KCNQ1: variants seen among roughly 807,000 people sequenced by gnomAD.
KCNQ1 encodes potassium voltage-gated channel subfamily KQT member 1.
In KCNQ1, 49 loss-of-function variants were observed where a neutral mutation model predicts 72.4. That is an observed-to-expected ratio of 0.68 (90% CI 0.54 to 0.86). KCNQ1 has a LOEUF of 0.86. Ranked by LOEUF, KCNQ1 falls within the 40% of genes least tolerant of loss-of-function variation. The pLI, the probability that KCNQ1 is intolerant of heterozygous loss-of-function variation, is 0.00. For missense variants in KCNQ1, 790 were observed against 945.1 expected, an observed-to-expected ratio of 0.84 and a Z score of 2.15; for synonymous variants, 450 against 412.6, an observed-to-expected ratio of 1.09 and a Z score of -1.10.
At position 2,471,965 on chromosome 11, in the gene KCNQ1, T is replaced by G. The variant is rs1442874156; in HGVS notation, c.386+26481T>G. 6.6e-6 allele frequency among the ~76,000 whole-genome samples: 1 copy of G among 151,836 alleles called. No homozygotes were observed. Among genetic ancestry groups the G allele is most frequent in the African/African-American group, 2.4e-5 (1 of 41,318 alleles). The stretch of plus-strand genomic sequence containing the variant: ...GCGTGTGTAGGTGTGTGTTCATATA[T>G]ATGGGTGTGTGTGCACCTATGTGTA... On this transcript the variant is annotated intron_variant, in intron 1 of 15. Coordinates refer to ENST00000155840, the MANE Select transcript of KCNQ1 (RefSeq NM_000218.3). The surrounding 1 kb of genome is among the most constrained non-coding windows in gnomAD (Gnocchi z 4.8).
rs1389952051 is a variant in KCNQ1 at position 2,803,021 on chromosome 11, C to A, written c.1794+24984C>A. ...CACCCAGAGGAGCTGGCCCTGGCCA[C>A]TCTCTCAGAGCAGGAGGTGACATGA... is the stretch of plus-strand genomic sequence containing the variant. On this transcript the variant is annotated intron_variant, in intron 15 of 15. Transcript: ENST00000155840. This position sits in a 1 kb window ranked among gnomAD's most constrained non-coding sequence, Gnocchi z 6.4. 6.6e-6 allele frequency among the ~76,000 whole-genome samples: 1 copy of A among 152,244 alleles called. No homozygotes were observed. The highest frequency in any genetic ancestry group is 2.4e-5 in the African/African-American group (1 of 41,466).
intron 1 of KCNQ1, among the ~76,000 whole-genome samples, chr11:2,470,135 A>AT (rs1397249774): frequency 3.3e-5 from 5 of 152,176 alleles, no homozygotes; most frequent in African/African-American, 1.2e-4. Context: ...TGATTGTTAA[A>AT]TTTTTTGTAG....
rs1313552132 is a variant in KCNQ1, at chr11:2,620,217, T to A, written c.1393+31363T>A. 8.7e-4 allele frequency: 226 copies of A among 261,178 alleles called. 1 individual carries two copies. Among genetic ancestry groups the A allele is most frequent in the South Asian group, 1.8e-3 (10 of 5,426 alleles). The allele number at this position is 261,178 out of a possible 1,614,324, so 16.2% of individuals were successfully genotyped here. A position where few individuals can be genotyped will look rare whatever the true frequency, so the allele number is the denominator to read the frequency against. On this transcript the variant is annotated intron_variant, in intron 10 of 15. Coordinates refer to ENST00000155840, the MANE Select transcript of KCNQ1 (RefSeq NM_000218.3). This position sits in a 1 kb window ranked among gnomAD's most constrained non-coding sequence, Gnocchi z 4.5. ...CATTCATGTATATATATATATTTTTTTTTTTTATTTTTTTTTTAGACGGAG... is the reference window on the plus strand; with the variant it reads ...CATTCATGTATATATATATATTTTTATTTTTTATTTTTTTTTTAGACGGAG...
At position 2,585,286 on chromosome 11, in the gene KCNQ1, G is replaced by A. The variant is rs746037904; in HGVS notation, c.1107G>A (p.Pro369=). The A allele has an allele frequency of 1.7e-5, 28 of 1,613,860 alleles. No individual in the cohort carries two copies. Among genetic ancestry groups the A allele is most frequent in the Middle Eastern group, 1.6e-4 (1 of 6,084 alleles). ...QRQKHFNRQI[P]AAASLIQTAW... is the part of the protein sequence containing the mutation. The stretch of plus-strand genomic sequence containing the variant: ...AGAAGCACTTCAACCGGCAGATCCC[G>A]GCGGCAGCCTCACTCATTCAGGTGC... Residue 369 remains proline, a synonymous_variant, in exon 8 of 16, where the codon CCG becomes CCA. Coordinates refer to ENST00000155840, the MANE Select transcript of KCNQ1 (RefSeq NM_000218.3).
At position 2,827,141 on chromosome 11, in the gene KCNQ1, C is replaced by T. The variant is rs1484806931; in HGVS notation, c.1795-20626C>T. Among the ~76,000 whole-genome samples the T allele has an allele frequency of 1.3e-5, 2 of 152,100 alleles. No homozygotes were observed. The highest frequency in any genetic ancestry group is 2.4e-5 in the African/African-American group (1 of 41,402). On this transcript the variant is annotated intron_variant, in intron 15 of 15. Transcript: ENST00000155840. This position sits in a 1 kb window ranked among gnomAD's most constrained non-coding sequence, Gnocchi z 6.7. ...AGGCACAGTCACCTCGTGTTGCTGT[C>T]CCCCAGGTAGGAGATAAGGGACCAG... is the stretch of plus-strand genomic sequence containing the variant.
rs972098908 is a variant in KCNQ1, at chr11:2,508,468, T to C, written c.387-19460T>C. The stretch of plus-strand genomic sequence containing the variant: ...TGGCTGCTCTGCATGGGGAGGAGTG[T>C]GGGTCCTGAGTGGAGTGTCCCATCT... On this transcript the variant is annotated intron_variant, in intron 1 of 15. Transcript: ENST00000155840. The surrounding 1 kb of genome is among the most constrained non-coding windows in gnomAD (Gnocchi z 6.2). Among the ~76,000 whole-genome samples the C allele has an allele frequency of 2.0e-5, 3 of 152,002 alleles. No individual in the cohort carries two copies. The highest frequency in any genetic ancestry group is 7.2e-5 in the African/African-American group (3 of 41,400).
Position 2,695,126 on chromosome 11 carries a change from A to G in KCNQ1, c.1514+33045A>G. 5.0e-6 allele frequency: 2 copies of G among 398,696 alleles called. No homozygotes were observed. The highest frequency in any genetic ancestry group is 2.5e-4 in the South Asian group (2 of 7,864). 24.7% of individuals were successfully genotyped at this position (398,696 alleles called of 1,614,324 possible). A position where few individuals can be genotyped will look rare whatever the true frequency, so the allele number is the denominator to read the frequency against. On this transcript the variant is annotated intron_variant, in intron 11 of 15. Transcript: ENST00000155840. The surrounding 1 kb of genome is among the most constrained non-coding windows in gnomAD (Gnocchi z 5.2). ...TATCTGGCAGGAGAGTCATGGAGGC[A>G]CATTCATTCGTTGGTTCTTGGCTTT...
chr11:2,682,453 C>T lies in KCNQ1; in HGVS notation c.1514+20372C>T, dbSNP rs112823727. The T allele has an allele frequency of 7.3e-5, 29 of 396,208 alleles. No homozygotes were observed. The highest frequency in any genetic ancestry group is 3.2e-4 in the African/African-American group (15 of 47,366). 24.5% of individuals were successfully genotyped at this position (396,208 alleles called of 1,614,324 possible). ...TGCTTAATCCATATGGAGCCTGTCA[C>T]GGACCCTCAGTGAATGTTTGACGAG... On this transcript the variant is annotated intron_variant, in intron 11 of 15. Transcript: ENST00000155840. This position sits in a 1 kb window ranked among gnomAD's most constrained non-coding sequence, Gnocchi z 5.8.
Position 2,824,148 on chromosome 11 carries a change from G to A in KCNQ1, c.1795-23619G>A, listed in dbSNP as rs143594061. ...ACACACATTCACACAAACACACCCA[G>A]ACACATGCATGCACATGGATAACTA... is the stretch of plus-strand genomic sequence containing the variant. On this transcript the variant is annotated intron_variant, in intron 15 of 15. Transcript: ENST00000155840. This position sits in a 1 kb window ranked among gnomAD's most constrained non-coding sequence, Gnocchi z 5.9. 2.3e-3 allele frequency among the ~76,000 whole-genome samples: 345 copies of A among 152,200 alleles called. No homozygotes were observed. The highest frequency in any genetic ancestry group is 3.6e-3 in the Non-Finnish European group (248 of 68,012).
In KCNQ1 at chr11:2,663,549, C is replaced by G. The variant is rs1850008047; in HGVS notation, c.1514+1468C>G. 2 of 398,526 alleles carry G rather than the reference C, an allele frequency of 5.0e-6. No homozygotes were observed. The highest frequency in any genetic ancestry group is 4.4e-5 in the Admixed American group (1 of 22,720). The allele number at this position is 398,526 out of a possible 1,614,324, so 24.7% of individuals were successfully genotyped here. On this transcript the variant is annotated intron_variant, in intron 11 of 15. Coordinates refer to ENST00000155840, the MANE Select transcript of KCNQ1 (RefSeq NM_000218.3). This position sits in a 1 kb window ranked among gnomAD's most constrained non-coding sequence, Gnocchi z 5.2. Reference sequence around the variant, plus strand: ...CCCCTCAGAGAGGGGACTGTCCCTTCTCATCCTTCTGGCTGCTTGCTTCTC... The same window carrying G: ...CCCCTCAGAGAGGGGACTGTCCCTTGTCATCCTTCTGGCTGCTTGCTTCTC...
chr11:2,631,151 A>T, intron 10 of KCNQ1: 1 of 398,564 alleles, frequency 2.5e-6, no homozygotes, highest in Non-Finnish European at 4.4e-6. Flanking sequence ...GGAAGTTTTC[A>T]GCCATTATTT....
chr11:2,598,932 TGTGTCTC>T lies in KCNQ1; in HGVS notation c.1393+10079_1393+10085del, dbSNP rs1253955444. Among the ~76,000 whole-genome samples, 2 of 152,246 alleles carry T rather than the reference TGTGTCTC, an allele frequency of 1.3e-5. No individual in the cohort carries two copies. Among genetic ancestry groups the T allele is most frequent in the Admixed American group, 6.5e-5 (1 of 15,288 alleles). ...AGGACCCATATGCAGCAAACAGTCT[TGTGTCTC>T]TGTCTGCTGCCAAATTGGCCTCAGG... On this transcript the variant is annotated intron_variant, in intron 10 of 15. Transcript: ENST00000155840. The surrounding 1 kb of genome is among the most constrained non-coding windows in gnomAD (Gnocchi z 6.2).
chr11:2,840,798 G>A (rs1848192134), intron 15 of KCNQ1, among the ~76,000 whole-genome samples: 1 of 152,236 alleles, frequency 6.6e-6, no homozygotes, highest in African/African-American at 2.4e-5. Context: ...CCCAGTCCCA[G>A]CCTCAGCTTC....
rs140861756 is a variant in KCNQ1 at position 2,647,618 on chromosome 11, G to A, written c.1394-14343G>A. On this transcript the variant is annotated intron_variant, in intron 10 of 15. Transcript: ENST00000155840. This position sits in a 1 kb window ranked among gnomAD's most constrained non-coding sequence, Gnocchi z 4.0. ...TTTGGTAGAATTCAGTAGAAAACCC[G>A]TGCAATCCTGAGGTTTTCTTTACTG... The A allele has an allele frequency of 2.5e-4, 98 of 398,488 alleles. No individual in the cohort carries two copies. In the East Asian group the frequency reaches 2.8e-3, roughly 11 times the overall value. 24.7% of individuals were successfully genotyped at this position (398,488 alleles called of 1,614,324 possible). A position where few individuals can be genotyped will look rare whatever the true frequency, so the allele number is the denominator to read the frequency against.
At position 2,669,707 on chromosome 11, in the gene KCNQ1, C is replaced by T. The variant is rs913952988; in HGVS notation, c.1514+7626C>T. 5 of 398,494 alleles carry T rather than the reference C, an allele frequency of 1.3e-5. No homozygotes were observed. Among genetic ancestry groups the T allele is most frequent in the African/African-American group, 4.1e-5 (2 of 48,616 alleles). The allele number at this position is 398,494 out of a possible 1,614,324, so 24.7% of individuals were successfully genotyped here. A position where few individuals can be genotyped will look rare whatever the true frequency, so the allele number is the denominator to read the frequency against. On this transcript the variant is annotated intron_variant, in intron 11 of 15. Coordinates refer to ENST00000155840, the MANE Select transcript of KCNQ1 (RefSeq NM_000218.3). This position sits in a 1 kb window ranked among gnomAD's most constrained non-coding sequence, Gnocchi z 5.6. ...GAGGAGATGGTGTTAGGCATCCAGC[C>T]ACATACCTGACTCGGGGAAATGCCT...
intron 10 of KCNQ1, chr11:2,632,847 C>T (rs1304173827): frequency 1.5e-5 from 6 of 398,284 alleles, no homozygotes; most frequent in Non-Finnish European, 2.7e-5. Flanking sequence ...GATTCCATAT[C>T]TTAACTGTTG....
rs574926453 is a variant in KCNQ1 at position 2,642,004 on chromosome 11, T to C, written c.1394-19957T>C. On this transcript the variant is annotated intron_variant, in intron 10 of 15. Coordinates refer to ENST00000155840, the MANE Select transcript of KCNQ1 (RefSeq NM_000218.3). This position sits in a 1 kb window ranked among gnomAD's most constrained non-coding sequence, Gnocchi z 4.3. ...ATTGGTCTATCAGTTTTTATTCCAATACCATGCTGCTTTTAATGCTATAGC... is the reference window on the plus strand; with the variant it reads ...ATTGGTCTATCAGTTTTTATTCCAACACCATGCTGCTTTTAATGCTATAGC... The C allele has an allele frequency of 2.5e-6, 1 of 398,462 alleles. No individual in the cohort carries two copies. The highest frequency in any genetic ancestry group is 1.3e-4 in the South Asian group (1 of 7,860). The allele number at this position is 398,462 out of a possible 1,614,324, so 24.7% of individuals were successfully genotyped here.
intron 11 of KCNQ1, chr11:2,700,022 TGCCCCCGCCGCTGCCGACGTGGCGACC>T: frequency 2.5e-6 from 1 of 398,168 alleles, no homozygotes; most frequent in Non-Finnish European, 4.4e-6. Flanking sequence ...GCGCTCCGAC[TGCCCCCGCCGCTGCCGACGTGGCGACC>T]GCCCCCCACC....
In KCNQ1 at chr11:2,668,541, A is replaced by G. The variant is rs779242029; in HGVS notation, c.1514+6460A>G. ...GATTTTAATTTGCAGTAACCTGTTGACTAATGAAGTTGAGTCCCTTTCCAT... is the reference window on the plus strand; with the variant it reads ...GATTTTAATTTGCAGTAACCTGTTGGCTAATGAAGTTGAGTCCCTTTCCAT... On this transcript the variant is annotated intron_variant, in intron 11 of 15. Transcript: ENST00000155840. This position sits in a 1 kb window ranked among gnomAD's most constrained non-coding sequence, Gnocchi z 4.3. The G allele has an allele frequency of 9.5e-5, 38 of 398,524 alleles. No individual in the cohort carries two copies. Among genetic ancestry groups the G allele is most frequent in the Non-Finnish European group, 1.5e-4 (34 of 226,072 alleles). 24.7% of individuals were successfully genotyped at this position (398,524 alleles called of 1,614,324 possible).
Sources: gnomAD v4.1 joint callset for allele counts (sites outside exome capture counted in the v4.1 genomes callset) on GRCh38, gnomAD v4.1.1 for gene constraint, Gnocchi (gnomAD v3.1) non-coding constraint, MANE v1.5 for transcripts, NCBI Gene and HGNC (gene_info 2026-07-23, HGNC 2026-07-21) for gene names.